The following PKIB variants were observed in gnomAD, a reference collection of about 807,000 sequenced individuals.
PKIB encodes the protein cAMP-dependent protein kinase inhibitor beta.
PKIB carries 2 observed loss-of-function variants against 4.5 expected under a neutral mutation model. The ratio of observed to expected loss-of-function variants is 0.44; its 90% confidence interval spans 0.18 to 1.39. PKIB has a LOEUF of 1.39. Ranked by LOEUF, PKIB falls within the 40% of genes most tolerant of loss-of-function variation. PKIB has a pLI of 0.27. For missense variants in PKIB, 94 were observed against 92.6 expected, an observed-to-expected ratio of 1.02 and a Z score of -0.06; for synonymous variants, 38 against 36.0, an observed-to-expected ratio of 1.06 and a Z score of -0.20.
chr6:122,540,447 TCATACAGGAG>T (rs1445326093), intron 2 of PKIB, among the ~76,000 whole-genome samples: 1 of 152,090 alleles, frequency 6.6e-6, no homozygotes, highest in East Asian at 1.9e-4. Flanking sequence ...TACCCAGTAG[TCATACAGGAG>T]CAGGTTGTTC....
intron 2 of PKIB, among the ~76,000 whole-genome samples, chr6:122,509,659 C>G (rs1001511421): frequency 6.6e-6 from 1 of 151,740 alleles, no homozygotes; most frequent in Non-Finnish European, 1.5e-5. Flanking sequence ...TGTCGATCTC[C>G]TGACCTCGTG....
chr6:122,572,221 A>T (rs367922839), intron 2 of PKIB, among the ~76,000 whole-genome samples: 20 of 152,174 alleles, frequency 1.3e-4, no homozygotes, highest in African/African-American at 4.8e-4. Flanking sequence ...TAATAACAAA[A>T]TGATTAGTTC....
intron 2 of PKIB, chr6:122,480,333 T>A (rs1775578164): frequency 6.6e-6 from 1 of 152,148 alleles, no homozygotes; most frequent in Non-Finnish European, 1.5e-5. Context: ...TGAGCCACCA[T>A]GCCCGGCCTA....
At chr6:122,492,140 G>A (rs1775954431) in intron 2 of PKIB, among the ~76,000 whole-genome samples, 1 of 152,172 alleles carries the variant, frequency 6.6e-6, no homozygotes, top group South Asian at 2.1e-4. Flanking sequence ...CAGTGAGGGA[G>A]AGGTATGAGA....
At chr6:122,688,787 T>TG (rs1778195950) in intron 3 of PKIB, among the ~76,000 whole-genome samples, 1 of 150,170 alleles carries the variant, frequency 6.7e-6, no homozygotes, top group South Asian at 2.1e-4. Flanking sequence ...CCTTTCTTTT[T>TG]TTTTTTTTTT....
At chr6:122,714,631 C>T (rs531949263) in intron 3 of PKIB, among the ~76,000 whole-genome samples, 3 of 152,154 alleles carry the variant, frequency 2.0e-5, no homozygotes, top group African/African-American at 7.2e-5. Context: ...CCAAGGGCCA[C>T]TTTTTAGAAG....
At chr6:122,633,971 T>TATCC (rs1171718782) in intron 2 of PKIB, among the ~76,000 whole-genome samples, 1 of 151,866 alleles carries the variant, frequency 6.6e-6, no homozygotes, top group East Asian at 1.9e-4. Flanking sequence ...TCTATCTATC[T>TATCC]ATCCATCTAT....
chr6:122,496,529 AAAG>A (rs1776080666), intron 2 of PKIB, among the ~76,000 whole-genome samples: 1 of 152,224 alleles, frequency 6.6e-6, no homozygotes. Context: ...AATCTTCTAA[AAAG>A]AAATCAATCA....
chr6:122,705,869 A>C (rs1308149266), intron 3 of PKIB, among the ~76,000 whole-genome samples: 1 of 152,050 alleles, frequency 6.6e-6, no homozygotes, highest in East Asian at 1.9e-4. Flanking sequence ...TGGCCAGAAA[A>C]TGCATCTCAT....
intron 2 of PKIB, among the ~76,000 whole-genome samples, chr6:122,671,156 G>C (rs1022356142): frequency 6.6e-6 from 1 of 152,056 alleles, no homozygotes; most frequent in Non-Finnish European, 1.5e-5. Context: ...GCTGGGTGTG[G>C]TGGTGGGCAC....
intron 2 of PKIB, chr6:122,652,700 T>C (rs1776607573): frequency 6.6e-6 from 1 of 152,210 alleles, no homozygotes; most frequent in African/African-American, 2.4e-5. Context: ...TAGGCAGATG[T>C]AGGTGCTGTG....
chr6:122,519,974 T>C (rs1012826967), intron 2 of PKIB, among the ~76,000 whole-genome samples: 6 of 152,170 alleles, frequency 3.9e-5, no homozygotes, highest in African/African-American at 1.4e-4. Context: ...TATCATGTAG[T>C]TTCCCACCTT....
intron 2 of PKIB, among the ~76,000 whole-genome samples, chr6:122,640,430 T>C (rs1248023855): frequency 6.6e-6 from 1 of 152,224 alleles, no homozygotes; most frequent in Non-Finnish European, 1.5e-5. Flanking sequence ...TTTTTTTAGC[T>C]CAATTTCTAC....
At chr6:122,489,764 A>G (rs978418711) in intron 2 of PKIB, among the ~76,000 whole-genome samples, 2 of 152,232 alleles carry the variant, frequency 1.3e-5, no homozygotes, top group Non-Finnish European at 2.9e-5. Context: ...TTCTTTTTAT[A>G]GCCCCAGGCC....
chr6:122,685,088 G>A (rs7742077), intron 3 of PKIB, among the ~76,000 whole-genome samples: 35,814 of 152,006 alleles, frequency 0.24, 4,675 homozygotes, highest in Non-Finnish European at 0.28. Flanking sequence ...TTAGTCACTT[G>A]CCCCCGGTCA....
At chr6:122,499,698 A>G (rs1029943000) in intron 2 of PKIB, among the ~76,000 whole-genome samples, 1 of 152,198 alleles carries the variant, frequency 6.6e-6, no homozygotes, top group Non-Finnish European at 1.5e-5. Context: ...TAGTACTGGA[A>G]GTCCTAGCCA....
In PKIB at chr6:122,474,566, T is replaced by G. The variant is rs554334436; in HGVS notation, c.-337+2525T>G. Among the ~76,000 whole-genome samples, 6 of 152,326 alleles carry G rather than the reference T, an allele frequency of 3.9e-5. No individual in the cohort carries two copies. In the East Asian group the frequency reaches 1.2e-3, roughly 29 times the overall value. On this transcript the variant is annotated intron_variant, in intron 1 of 6. Coordinates refer to the PKIB transcript ENST00000392491. Reference sequence around the variant, plus strand: ...TGTGGCATCAGAGAGCTGAAGGTTATGTTTGTTGTCAAGAATCAGAGCATG... The same window carrying G: ...TGTGGCATCAGAGAGCTGAAGGTTAGGTTTGTTGTCAAGAATCAGAGCATG...
intron 2 of PKIB, chr6:122,484,070 T>G (rs958851617): frequency 6.6e-6 from 1 of 151,970 alleles, no homozygotes; most frequent in Non-Finnish European, 1.5e-5. Flanking sequence ...CCTAACCTAG[T>G]GCTTGACATG....
At chr6:122,613,922 C>T (rs1423876959) in intron 1 of PKIB, among the ~76,000 whole-genome samples, 1 of 139,620 alleles carries the variant, frequency 7.2e-6, no homozygotes, top group Non-Finnish European at 1.5e-5. Context: ...GAGATGGCAC[C>T]ACTGCACTCC....
Sources: gnomAD v4.1 joint callset for allele counts (sites outside exome capture counted in the v4.1 genomes callset) on GRCh38, gnomAD v4.1.1 for gene constraint, MANE v1.5 for transcripts, NCBI Gene and HGNC (gene_info 2026-07-23, HGNC 2026-07-21) for gene names.